KIZ: variants seen among roughly 807,000 people sequenced by gnomAD.
The protein encoded by KIZ is centrosomal protein kizuna.
KIZ carries 68 observed loss-of-function variants against 79.6 expected under a neutral mutation model. The ratio of observed to expected loss-of-function variants is 0.85; its 90% confidence interval spans 0.70 to 1.05. The LOEUF (loss-of-function observed/expected upper bound fraction) is 1.05. Among genes scored for constraint, KIZ ranks in the 50% least tolerant of loss-of-function variants. The probability of loss-of-function intolerance (pLI) is 0.00; values close to 1 mark genes in which losing one functional copy is unlikely to be tolerated. For missense variants in KIZ, 797 were observed against 800.4 expected (o/e 1.00, Z 0.05); for synonymous variants, 280 against 281.8 (o/e 0.99, Z 0.06).
intron 6 of KIZ, among the ~76,000 whole-genome samples, chr20:21,167,969 A>G (rs1325845961): frequency 1.3e-5 from 2 of 152,094 alleles, no homozygotes; most frequent in Admixed American, 1.3e-4. Context: ...TGTGCACAAC[A>G]TGCAGGTTAG....
At chr20:21,125,999 TCCTGCAGGCGG>T, upstream of KIZ, 1 of 1,318,850 alleles carries the variant, frequency 7.6e-7, no homozygotes, top group Non-Finnish European at 9.7e-7. Flanking sequence ...TTGCCCCGCC[TCCTGCAGGCGG>T]CCCGGCGCGG....
chr20:21,206,476 G>T (rs768125514), intron 7 of KIZ, among the ~76,000 whole-genome samples: 2 of 152,090 alleles, frequency 1.3e-5, no homozygotes, highest in South Asian at 2.1e-4. Context: ...AGTTGGGGGT[G>T]GGGGCAGAGG....
At chr20:21,150,017 C>G (rs750429546) in intron 4 of KIZ, among the ~76,000 whole-genome samples, 1 of 152,126 alleles carries the variant, frequency 6.6e-6, no homozygotes, top group Non-Finnish European at 1.5e-5. Flanking sequence ...AGTGGGTTAT[C>G]ACTCATAGCA....
rs2122684706 is a variant in KIZ, at chr20:21,161,913, A to G, written c.448A>G (p.Arg150Gly). 6.2e-7 allele frequency: 1 copy of G among 1,613,344 alleles called. No homozygotes were observed. Among genetic ancestry groups the G allele is most frequent in the South Asian group, 1.1e-5 (1 of 91,068 alleles). ...EGINSGTAMS[R>G]GLYQPATIFM... ...GATTAACTCAGGAACAGCCATGTCA[A>G]GAGGATTGTATCAACCAGCAACAAT... is the stretch of plus-strand genomic sequence containing the variant. Residue 150 changes from arginine to glycine, a missense_variant, in exon 5 of 13, where the codon AGA becomes GGA. Coordinates refer to ENST00000619189, the MANE Select transcript of KIZ (RefSeq NM_018474.6).
In KIZ at chr20:21,162,933, A is replaced by T. The variant is rs370218673; in HGVS notation, c.1126A>T (p.Ser376Cys). The T allele has an allele frequency of 2.5e-6, 4 of 1,613,616 alleles. No individual in the cohort carries two copies. Among genetic ancestry groups the T allele is most frequent in the Non-Finnish European group, 3.4e-6 (4 of 1,179,736 alleles). Residue 376 changes from serine (S) to cysteine (C), a missense_variant, in exon 6 of 13, where the codon AGT (serine) becomes TGT (cysteine). Transcript: ENST00000619189. Reference protein sequence around the residue: ...EEEEESWSTSSDLTISISEDD... With the variant: ...EEEEESWSTSCDLTISISEDD... ...GGAGGAGGAAAGTTGGAGCACCAGC[A>T]GTGACCTTACCATTTCAATAAGTGA...
chr20:21,162,769 C>A, intron 5 of KIZ, 81 bp from the exon 6 acceptor site: 1 of 1,130,620 alleles, frequency 8.8e-7, no homozygotes, highest in Non-Finnish European at 1.3e-6. Flanking sequence ...ATGTTTTTAA[C>A]TGATGAGTAA....
intron 9 of KIZ, among the ~76,000 whole-genome samples, chr20:21,227,437 G>A (rs1218399275): frequency 3.3e-5 from 5 of 152,034 alleles, no homozygotes; most frequent in African/African-American, 7.2e-5. Flanking sequence ...TTTCCTTGAC[G>A]AAATAAGTTT....
intron 4 of KIZ, among the ~76,000 whole-genome samples, chr20:21,155,163 A>G (rs758048644): frequency 1.3e-5 from 2 of 152,256 alleles, no homozygotes; most frequent in Non-Finnish European, 2.9e-5. Flanking sequence ...CATTCATAGC[A>G]TAGCATTCAA....
chr20:21,161,072 C>A (rs2033630694), intron 4 of KIZ: 1 of 152,176 alleles, frequency 6.6e-6, no homozygotes, highest in African/African-American at 2.4e-5. Context: ...AATTATGTTT[C>A]TCTAATGAAT....
chr20:21,181,162 A>G lies in KIZ; in HGVS notation c.1352+18003A>G, dbSNP rs137894570. On this transcript the variant is annotated intron_variant, in intron 6 of 12. Transcript: ENST00000619189. ...GTATCTGGGAACTATTGTTTCTCCA[A>G]CTGAAGGAGTGGCTCACATGCCAGC... Among the ~76,000 whole-genome samples, 478 of 152,308 alleles carry G rather than the reference A, an allele frequency of 3.1e-3. 3 individuals are homozygous for G. Among genetic ancestry groups the G allele is most frequent in the Middle Eastern group, 0.014 (4 of 294 alleles).
At chr20:21,176,926 G>A (rs966873750) in intron 6 of KIZ, among the ~76,000 whole-genome samples, 3 of 152,194 alleles carry the variant, frequency 2.0e-5, no homozygotes, top group African/African-American at 7.2e-5. Context: ...ATGTCAAGAT[G>A]TGTGTCAAAA....
chr20:21,236,121 A>G (rs2036998843), intron 11 of KIZ, among the ~76,000 whole-genome samples: 1 of 152,234 alleles, frequency 6.6e-6, no homozygotes, highest in Non-Finnish European at 1.5e-5. Context: ...TTTTTTCTGC[A>G]CAAAGCAAAT....
intron 11 of KIZ, among the ~76,000 whole-genome samples, chr20:21,243,405 C>T (rs2037283471): frequency 6.6e-6 from 1 of 152,126 alleles, no homozygotes; most frequent in Non-Finnish European, 1.5e-5. Flanking sequence ...TGCAGGGTTT[C>T]CTGTGTCCAG....
chr20:21,222,447 A>G (rs1439517713), intron 9 of KIZ, among the ~76,000 whole-genome samples: 1 of 152,240 alleles, frequency 6.6e-6, no homozygotes, highest in Admixed American at 6.5e-5. Flanking sequence ...TCAGTTCAAA[A>G]GAGCCCTTGT....
chr20:21,195,214 G>A (rs770833149), intron 6 of KIZ: 4 of 152,258 alleles, frequency 2.6e-5, no homozygotes, highest in Non-Finnish European at 5.9e-5. Flanking sequence ...GATCGGCAAA[G>A]AAGAAAGGTT....
intron 4 of KIZ, among the ~76,000 whole-genome samples, chr20:21,148,165 A>G (rs760004511): frequency 2.6e-5 from 4 of 152,118 alleles, no homozygotes; most frequent in Admixed American, 6.5e-5. Context: ...GAGGACCTGT[A>G]TTGGGGATGG....
intron 11 of KIZ, among the ~76,000 whole-genome samples, chr20:21,242,957 A>G (rs893839934): frequency 3.3e-5 from 5 of 152,088 alleles, no homozygotes; most frequent in Non-Finnish European, 7.4e-5. Context: ...TAGCATTTTT[A>G]TAATCCACCC....
intron 11 of KIZ, among the ~76,000 whole-genome samples, chr20:21,244,038 C>T (rs900914080): frequency 2.8e-4 from 43 of 152,252 alleles, no homozygotes; most frequent in African/African-American, 1.0e-3. Flanking sequence ...ACACGCAGGA[C>T]GGGAGCAATG....
intron 3 of KIZ, among the ~76,000 whole-genome samples, chr20:21,140,747 G>A (rs2032470818): frequency 6.6e-6 from 1 of 152,156 alleles, no homozygotes; most frequent in South Asian, 2.1e-4. Context: ...AGGAGGCTGA[G>A]GTGGGAGGAT....
Sources: allele counts gnomAD v4.1 joint callset (sites outside exome capture counted in the v4.1 genomes callset), GRCh38; gene constraint gnomAD v4.1.1; transcripts MANE v1.5; gene names NCBI Gene and HGNC (gene_info 2026-07-23, HGNC 2026-07-21).